Variants in METTL15 observed in about 807,000 individuals in gnomAD.
METTL15 encodes the protein methyltransferase 15, mitochondrial 12S rRNA N4-cytidine, also known as 12S rRNA N(4)-cytidine methyltransferase METTL15.
In METTL15, 34 loss-of-function variants were observed where a neutral mutation model predicts 38.3. The observed-to-expected ratio is 0.89, with a 90% CI of 0.68 to 1.18. The LOEUF is 1.18. Ranked by LOEUF, METTL15 falls within the 50% of genes most tolerant of loss-of-function variation. The probability of loss-of-function intolerance (pLI) is 0.00; values close to 1 mark genes in which losing one functional copy is unlikely to be tolerated. For missense variants in METTL15, 438 were observed against 498.4 expected (o/e 0.88, Z 1.15); for synonymous variants, 162 against 170.9 (o/e 0.95, Z 0.41).
At chr11:28,477,699 A>C (rs1033181947) in intron 6 of METTL15, among the ~76,000 whole-genome samples, 21 of 152,180 alleles carry the variant, frequency 1.4e-4, no homozygotes, top group African/African-American at 4.8e-4. Flanking sequence ...ATATTATAAG[A>C]ATGCTCATTT....
intron 4 of METTL15, among the ~76,000 whole-genome samples, chr11:28,234,289 G>A (rs1464076676): frequency 6.6e-6 from 1 of 151,898 alleles, no homozygotes; most frequent in African/African-American, 2.4e-5. Flanking sequence ...CTTTATAGCA[G>A]CATGATTTAT....
chr11:28,444,656 G>A (rs568900332), intron 6 of METTL15, among the ~76,000 whole-genome samples: 1 of 152,096 alleles, frequency 6.6e-6, no homozygotes, highest in Non-Finnish European at 1.5e-5. Flanking sequence ...ATGAAATAGG[G>A]ATAATAAAAG....
intron 4 of METTL15, among the ~76,000 whole-genome samples, chr11:28,267,081 AC>A (rs1477704037): frequency 6.7e-6 from 1 of 148,918 alleles, no homozygotes; most frequent in Non-Finnish European, 1.5e-5. Context: ...AATCGCTTGA[AC>A]CCAGGAGGCA....
chr11:28,321,468 A>G (rs1849467705), intron 6 of METTL15, among the ~76,000 whole-genome samples: 1 of 152,176 alleles, frequency 6.6e-6, no homozygotes, highest in Non-Finnish European at 1.5e-5. Context: ...ATGCATAAAC[A>G]TAGTGCTTGC....
chr11:28,314,557 A>G (rs1857414622), intron 6 of METTL15, among the ~76,000 whole-genome samples: 1 of 152,214 alleles, frequency 6.6e-6, no homozygotes, highest in Non-Finnish European at 1.5e-5. Context: ...TGTATGTGGC[A>G]AATGGGCCTC....
chr11:28,433,209 T>G (rs2133433314), intron 6 of METTL15, among the ~76,000 whole-genome samples: 1 of 152,060 alleles, frequency 6.6e-6, no homozygotes, highest in African/African-American at 2.4e-5. Flanking sequence ...TATTATTCTC[T>G]TACTCATTTG....
chr11:28,151,072 A>C (rs1441674469), intron 3 of METTL15, among the ~76,000 whole-genome samples: 1 of 151,186 alleles, frequency 6.6e-6, no homozygotes, highest in Non-Finnish European at 1.5e-5. Context: ...GCTTTTTGTG[A>C]TGAAAGGTTT....
At chr11:28,328,645 T>C (rs1025142102) in intron 6 of METTL15, among the ~76,000 whole-genome samples, 8 of 152,090 alleles carry the variant, frequency 5.3e-5, no homozygotes, top group Admixed American at 5.2e-4. Context: ...TGTATAAATC[T>C]ATTGAACATT....
chr11:28,297,942 A>G (rs1485033575), intron 6 of METTL15, among the ~76,000 whole-genome samples: 1 of 152,096 alleles, frequency 6.6e-6, no homozygotes, highest in Non-Finnish European at 1.5e-5. Context: ...GATCATTACT[A>G]TTTAGAGATC....
chr11:28,250,788 T>C (rs1326986064), intron 4 of METTL15, among the ~76,000 whole-genome samples: 1 of 152,024 alleles, frequency 6.6e-6, no homozygotes, highest in Admixed American at 6.6e-5. Context: ...TTCTCTCTTG[T>C]TATCAGTGAC....
chr11:28,210,441 G>T (rs1852582598), intron 3 of METTL15, among the ~76,000 whole-genome samples: 2 of 151,504 alleles, frequency 1.3e-5, no homozygotes, highest in Admixed American at 1.3e-4. Context: ...TAGATACTTT[G>T]TGTCAAACCT....
chr11:28,442,218 A>G (rs995773886), intron 6 of METTL15, among the ~76,000 whole-genome samples: 16 of 152,294 alleles, frequency 1.1e-4, no homozygotes, highest in Middle Eastern at 3.4e-3. Flanking sequence ...CTATAGAAAG[A>G]TGATGTTTCA....
intron 5 of METTL15, among the ~76,000 whole-genome samples, chr11:28,367,371 A>G (rs1376992665): frequency 6.6e-6 from 1 of 152,174 alleles, no homozygotes; most frequent in African/African-American, 2.4e-5. Flanking sequence ...ACATTCCTGA[A>G]AATGTTTGAG....
At chr11:28,313,675 G>A (rs1857383544) in intron 6 of METTL15, among the ~76,000 whole-genome samples, 1 of 151,162 alleles carries the variant, frequency 6.6e-6, no homozygotes, top group Admixed American at 6.6e-5. Context: ...ATATAGTTTT[G>A]GATTTTTTTA....
chr11:28,179,709 G>T (rs1851213578), intron 3 of METTL15, among the ~76,000 whole-genome samples: 1 of 151,668 alleles, frequency 6.6e-6, no homozygotes, highest in Admixed American at 6.6e-5. Context: ...TGTTTATTAT[G>T]AATAAAGCTC....
intron 6 of METTL15, among the ~76,000 whole-genome samples, chr11:28,327,327 T>C (rs1311732748): frequency 6.6e-6 from 1 of 152,244 alleles, no homozygotes; most frequent in Non-Finnish European, 1.5e-5. Flanking sequence ...CCCTATTATC[T>C]TTAAGACCAT....
At chr11:28,431,945 C>T (rs1361443786) in intron 6 of METTL15, among the ~76,000 whole-genome samples, 1 of 152,134 alleles carries the variant, frequency 6.6e-6, no homozygotes, top group Non-Finnish European at 1.5e-5. Context: ...TGTGTCTCCA[C>T]AGGGTGCCCA....
chr11:28,502,356 C>G (rs1851591572), intron 6 of METTL15, among the ~76,000 whole-genome samples: 1 of 152,138 alleles, frequency 6.6e-6, no homozygotes. Flanking sequence ...TGCAACTATT[C>G]AATTCTACCC....
intron 4 of METTL15, among the ~76,000 whole-genome samples, chr11:28,211,738 A>C (rs983097407): frequency 5.3e-5 from 8 of 152,058 alleles, no homozygotes; most frequent in Non-Finnish European, 1.2e-4. Flanking sequence ...GAGTGGTAAA[A>C]CCATCTGCCT....
Sources: allele counts gnomAD v4.1 joint callset (sites outside exome capture counted in the v4.1 genomes callset), GRCh38; gene constraint gnomAD v4.1.1; transcripts MANE v1.5; gene names NCBI Gene and HGNC (gene_info 2026-07-23, HGNC 2026-07-21).